PRKG1: variants seen among roughly 807,000 people sequenced by gnomAD.
PRKG1 encodes protein kinase cGMP-dependent 1, also known as cGMP-dependent protein kinase 1.
In PRKG1, 35 loss-of-function variants were observed where a neutral mutation model predicts 88.1. That is an observed-to-expected ratio of 0.40 (90% confidence interval 0.30 to 0.53). The LOEUF (loss-of-function observed/expected upper bound fraction) is 0.53. Ranked by LOEUF, PRKG1 falls within the 20% of genes least tolerant of loss-of-function variation. The probability of loss-of-function intolerance (pLI) is 0.59; values close to 1 mark genes in which losing one functional copy is unlikely to be tolerated. For missense variants in PRKG1, 540 were observed against 839.8 expected (o/e 0.64, Z 4.41); for synonymous variants, 303 against 292.5 (o/e 1.04, Z -0.37).
At chr10:52,032,932 T>C (rs1301514817) in intron 5 of PRKG1, among the ~76,000 whole-genome samples, 1 of 152,102 alleles carries the variant, frequency 6.6e-6, no homozygotes, top group Non-Finnish European at 1.5e-5. Flanking sequence ...GGTGCAGGAG[T>C]TGAAGGCAGC....
chr10:52,188,913 A>G (rs1234564944), intron 9 of PRKG1, among the ~76,000 whole-genome samples: 1 of 152,204 alleles, frequency 6.6e-6, no homozygotes, highest in Non-Finnish European at 1.5e-5. Context: ...AGAAATTCCA[A>G]TATGTCAGAC....
chr10:51,620,188 TAATAAATCTTC>T (rs1839169491), intron 3 of PRKG1, among the ~76,000 whole-genome samples: 1 of 152,154 alleles, frequency 6.6e-6, no homozygotes, highest in Admixed American at 6.6e-5. Flanking sequence ...AATTTTAGCA[TAATAAATCTTC>T]TATGAATTTC....
chr10:51,909,979 A>G (rs1049519934), intron 5 of PRKG1: 2 of 152,308 alleles, frequency 1.3e-5, no homozygotes, highest in Non-Finnish European at 2.9e-5. Flanking sequence ...GAAACAGGGA[A>G]GGTAGACTAT....
chr10:51,570,286 T>C (rs552748782), intron 3 of PRKG1, among the ~76,000 whole-genome samples: 1 of 151,894 alleles, frequency 6.6e-6, no homozygotes, highest in Non-Finnish European at 1.5e-5. Flanking sequence ...AAACCTTACC[T>C]ATGACAGGAA....
chr10:51,355,581 G>A (rs1842348029), intron 2 of PRKG1, among the ~76,000 whole-genome samples: 1 of 151,974 alleles, frequency 6.6e-6, no homozygotes, highest in South Asian at 2.1e-4. Context: ...CCACAGTGAA[G>A]ATGTAACCAT....
At chr10:51,619,046 G>A (rs148063685) in intron 3 of PRKG1, among the ~76,000 whole-genome samples, 53 of 151,810 alleles carry the variant, frequency 3.5e-4, no homozygotes, top group Non-Finnish European at 6.6e-4. Flanking sequence ...CAAAGTGCTG[G>A]GATTACAGGC....
chr10:52,253,200 C>T (rs535426762), intron 10 of PRKG1, among the ~76,000 whole-genome samples: 6 of 151,296 alleles, frequency 4.0e-5, no homozygotes, highest in African/African-American at 1.2e-4. Flanking sequence ...TTTTTAAAGA[C>T]GAAGGACAAT....
chr10:52,016,423 C>A (rs1198578842), intron 5 of PRKG1, among the ~76,000 whole-genome samples: 1 of 152,142 alleles, frequency 6.6e-6, no homozygotes, highest in Non-Finnish European at 1.5e-5. Context: ...CCCCCATGAT[C>A]CAGTCACCTC....
intron 3 of PRKG1, among the ~76,000 whole-genome samples, chr10:51,617,825 A>G (rs1438813164): frequency 6.6e-6 from 1 of 152,188 alleles, no homozygotes; most frequent in African/African-American, 2.4e-5. Flanking sequence ...GTTTCTCTGT[A>G]TCCTGCTTGT....
intron 5 of PRKG1, among the ~76,000 whole-genome samples, chr10:51,934,484 C>T (rs528151825): frequency 6.6e-6 from 1 of 152,272 alleles, no homozygotes; most frequent in South Asian, 2.1e-4. Context: ...AGTTGCTCTA[C>T]AGTAACCAAC....
chr10:51,495,348 G>C (rs1430652210), intron 3 of PRKG1, among the ~76,000 whole-genome samples: 1 of 152,168 alleles, frequency 6.6e-6, no homozygotes, highest in Non-Finnish European at 1.5e-5. Context: ...GCCCGCCTCG[G>C]CCTCCCAAAG....
At chr10:51,963,846 A>G (rs1422648087) in intron 5 of PRKG1, among the ~76,000 whole-genome samples, 1 of 152,164 alleles carries the variant, frequency 6.6e-6, no homozygotes, top group African/African-American at 2.4e-5. Flanking sequence ...AAACATTCAA[A>G]TGATTCTGAT....
intron 4 of PRKG1, among the ~76,000 whole-genome samples, chr10:51,833,207 A>C: frequency 6.6e-6 from 1 of 152,190 alleles, no homozygotes; most frequent in East Asian, 1.9e-4. Context: ...ACTGGAGTTG[A>C]CAAGAAAGGG....
Position 52,296,844 on chromosome 10 carries a change from C to T in PRKG1, c.*2944C>T, listed in dbSNP as rs1345463364. 1 of 152,018 alleles carries T rather than the reference C, an allele frequency of 6.6e-6. No individual in the cohort carries two copies. Among genetic ancestry groups the T allele is most frequent in the Non-Finnish European group, 1.5e-5 (1 of 67,934 alleles). The allele number at this position is 152,018 out of a possible 1,614,324, so 9.4% of individuals were successfully genotyped here. On this transcript the variant is annotated 3_prime_UTR_variant, in exon 18 of 18. Coordinates refer to ENST00000373980, the MANE Select transcript of PRKG1 (RefSeq NM_006258.4). ...TTCTTATTAAGACATGAATCAGATC[C>T]ATGTGGCATTCAAAACAAATTTATT... is the stretch of plus-strand genomic sequence containing the variant.
At chr10:52,234,059 C>T (rs1487371401) in intron 9 of PRKG1, among the ~76,000 whole-genome samples, 7 of 152,076 alleles carry the variant, frequency 4.6e-5, no homozygotes, top group African/African-American at 1.2e-4. Context: ...GGCACACTGA[C>T]ACCTCACACA....
intron 3 of PRKG1, among the ~76,000 whole-genome samples, chr10:51,517,473 G>C (rs780084075): frequency 6.6e-6 from 1 of 152,154 alleles, no homozygotes; most frequent in East Asian, 1.9e-4. Context: ...TGGGGATTGC[G>C]GGACAGCAGG....
At chr10:51,617,193 C>T (rs1839081251) in intron 3 of PRKG1, among the ~76,000 whole-genome samples, 2 of 152,166 alleles carry the variant, frequency 1.3e-5, no homozygotes, top group Admixed American at 6.5e-5. Context: ...CTTTCATTTA[C>T]CCTTCCCTTG....
intron 1 of PRKG1, among the ~76,000 whole-genome samples, chr10:51,114,629 G>C (rs1174268227): frequency 3.3e-5 from 5 of 152,272 alleles, no homozygotes; most frequent in African/African-American, 1.2e-4. Context: ...CAACTAAAAT[G>C]TGTGGAACTG....
At chr10:51,959,278 T>C (rs991545834) in intron 5 of PRKG1, among the ~76,000 whole-genome samples, 1 of 152,178 alleles carries the variant, frequency 6.6e-6, no homozygotes, top group African/African-American at 2.4e-5. Flanking sequence ...TTTACGATAA[T>C]TGGAGAAGAT....
Sources: allele counts gnomAD v4.1 joint callset (sites outside exome capture counted in the v4.1 genomes callset), GRCh38; gene constraint gnomAD v4.1.1; transcripts MANE v1.5; gene names NCBI Gene and HGNC (gene_info 2026-07-23, HGNC 2026-07-21).